Variants in PSTPIP1 observed in about 807,000 individuals in gnomAD.
PSTPIP1 encodes proline-serine-threonine phosphatase-interacting protein 1.
In PSTPIP1, 66 loss-of-function variants were observed where a neutral mutation model predicts 69.6. The ratio of observed to expected loss-of-function variants is 0.95; its 90% confidence interval spans 0.78 to 1.16. The LOEUF is 1.16. Among genes scored for constraint, PSTPIP1 ranks in the 50% most tolerant of loss-of-function variants. The pLI, the probability that PSTPIP1 is intolerant of heterozygous loss-of-function variation, is 0.00. For synonymous variants in PSTPIP1, 266 were observed against 222.7 expected (o/e 1.19, Z -1.73); for missense variants, 603 against 557.4 (o/e 1.08, Z -0.82).
intron 1 of PSTPIP1, among the ~76,000 whole-genome samples, chr15:76,997,145 C>A (rs549161966): frequency 6.6e-6 from 1 of 152,362 alleles, no homozygotes; most frequent in East Asian, 1.9e-4. Context: ...CAGAAGCAAG[C>A]AGCCAGCCCC....
At chr15:77,000,476 T>TACACACAC (rs893354130) in intron 1 of PSTPIP1, among the ~76,000 whole-genome samples, 1 of 146,794 alleles carries the variant, frequency 6.8e-6, no homozygotes, top group African/African-American at 2.6e-5. Context: ...TATATATATA[T>TACACACAC]ACACACACAC....
At chr15:77,030,431 T>A in intron 8 of PSTPIP1, 71 bp from the exon 9 acceptor site, 1 of 1,495,058 alleles carries the variant, frequency 6.7e-7, no homozygotes, top group Non-Finnish European at 9.2e-7. Flanking sequence ...GCATCCAGGA[T>A]GGGACCTGCT....
chr15:77,029,693 C>A, intron 8 of PSTPIP1, 119 bp downstream of exon 8: 2 of 1,151,472 alleles, frequency 1.7e-6, no homozygotes, highest in Non-Finnish European at 2.4e-6. Flanking sequence ...ATGGGCGCGG[C>A]GCTCTCATTC....
chr15:77,036,435 G>A (rs1003776509), intron 14 of PSTPIP1, among the ~76,000 whole-genome samples: 1 of 152,164 alleles, frequency 6.6e-6, no homozygotes, highest in African/African-American at 2.4e-5. Flanking sequence ...ATCGTGCCAG[G>A]ATTGATTTTC....
At chr15:77,004,291 G>C (rs1389343566) in intron 1 of PSTPIP1, among the ~76,000 whole-genome samples, 1 of 152,234 alleles carries the variant, frequency 6.6e-6, no homozygotes, top group Admixed American at 6.5e-5. Context: ...ATGGGTGATG[G>C]AACAGGCAGG....
chr15:76,995,240 C>G lies in PSTPIP1; in HGVS notation c.-334C>G, dbSNP rs1411898950. The G allele has an allele frequency of 4.8e-6, 6 of 1,256,404 alleles. No homozygotes were observed. In the African/African-American group the frequency reaches 7.6e-5, roughly 16 times the overall value. 77.8% of individuals were successfully genotyped at this position (1,256,404 alleles called of 1,614,324 possible). A position where few individuals can be genotyped will look rare whatever the true frequency, so the allele number is the denominator to read the frequency against. On this transcript the variant is annotated 5_prime_UTR_variant, in exon 1 of 15. Coordinates refer to ENST00000558012, the MANE Select transcript of PSTPIP1 (RefSeq NM_003978.5). ...CTCCCACCCAGGGCTGGCATCCCTGCTCCCTGCCCTGGGTCCCAGACTGTG... is the reference window on the plus strand; with the variant it reads ...CTCCCACCCAGGGCTGGCATCCCTGGTCCCTGCCCTGGGTCCCAGACTGTG...
intron 1 of PSTPIP1, 93 bp from the exon 2 acceptor site, chr15:77,018,055 G>A: frequency 1.6e-6 from 2 of 1,283,322 alleles, no homozygotes; most frequent in Non-Finnish European, 1.1e-6. Context: ...CAGGAGGGAG[G>A]CTGTTCCCAG....
intron 3 of PSTPIP1, among the ~76,000 whole-genome samples, chr15:77,021,399 G>T (rs1051572021): frequency 6.6e-6 from 1 of 152,184 alleles, no homozygotes; most frequent in African/African-American, 2.4e-5. Context: ...GCATTTTAAA[G>T]ACAGCATTAG....
intron 3 of PSTPIP1, among the ~76,000 whole-genome samples, chr15:77,018,919 A>G (rs1480889188): frequency 6.6e-6 from 1 of 152,154 alleles, no homozygotes; most frequent in Non-Finnish European, 1.5e-5. Flanking sequence ...AGCCAGAGAC[A>G]GGGGTCCAGG....
At chr15:77,002,334 A>G (rs550153725) in intron 1 of PSTPIP1, among the ~76,000 whole-genome samples, 1 of 152,328 alleles carries the variant, frequency 6.6e-6, no homozygotes, top group Admixed American at 6.5e-5. Context: ...GGATGAAAGG[A>G]TGCTTCCCTA....
chr15:77,035,425 C>G (rs2076536032), intron 12 of PSTPIP1, 83 bp from the exon 13 acceptor site: 1 of 1,409,424 alleles, frequency 7.1e-7, no homozygotes, highest in South Asian at 1.2e-5. Flanking sequence ...AGCTCTGAGA[C>G]CTCTCCCTGT....
At position 76,995,598 on chromosome 15, in the gene PSTPIP1, G is replaced by A. The variant is rs2075560223; in HGVS notation, c.25G>A (p.Asp9Asn). 7.4e-6 allele frequency: 12 copies of A among 1,613,792 alleles called. No homozygotes were observed. The highest frequency in any genetic ancestry group is 1.3e-5 in the African/African-American group (1 of 75,056). Residue 9 changes from aspartate (D) to asparagine (N), a missense_variant, in exon 1 of 15, where the codon GAT (aspartate) becomes AAT (asparagine). Coordinates refer to ENST00000558012, the MANE Select transcript of PSTPIP1 (RefSeq NM_003978.5). Reference sequence around the variant, plus strand: ...GATGATGCCCCAGCTGCAGTTCAAAGATGCCTTTTGGGTGAGTGAGGATGG... The same window carrying A: ...GATGATGCCCCAGCTGCAGTTCAAAAATGCCTTTTGGGTGAGTGAGGATGG... MMPQLQFK[D>N]AFWCRDFTAH...
intron 1 of PSTPIP1, among the ~76,000 whole-genome samples, chr15:76,997,355 C>A (rs2075603021): frequency 6.6e-6 from 1 of 152,132 alleles, no homozygotes; most frequent in South Asian, 2.1e-4. Context: ...TGGGCCGATG[C>A]CCCGAAAGGT....
intron 12 of PSTPIP1, among the ~76,000 whole-genome samples, chr15:77,033,820 G>GA (rs35913965): frequency 0.64 from 97,224 of 151,824 alleles, 31,393 homozygotes; most frequent in Middle Eastern, 0.72. Context: ...GCTTAGAGAG[G>GA]GCACACACAC....
At chr15:77,003,479 C>A (rs1345538994) in intron 1 of PSTPIP1, among the ~76,000 whole-genome samples, 2 of 152,080 alleles carry the variant, frequency 1.3e-5, no homozygotes, top group Non-Finnish European at 2.9e-5. Context: ...CATGGTGAAA[C>A]CCTGTCTCTA....
Position 77,018,178 on chromosome 15 carries a change from G to T in PSTPIP1, c.67G>T (p.Glu23Ter). Residue 23 changes from glutamate to a stop codon, truncating the protein, a stop_gained, in exon 2 of 15, where the codon GAG becomes TAG. Transcript: ENST00000558012. LOFTEE classifies it high-confidence loss of function. The part of the protein sequence containing the change: ...CRDFTAHTGY[E>*]VLLQRLLDGR... ...GGACTTCACAGCCCACACGGGCTACGAGGTGCTGCTGCAGCGGCTTCTGGA... is the reference window on the plus strand; with the variant it reads ...GGACTTCACAGCCCACACGGGCTACTAGGTGCTGCTGCAGCGGCTTCTGGA... The T allele has an allele frequency of 6.3e-7, 1 of 1,589,722 alleles. No individual in the cohort carries two copies. Among genetic ancestry groups the T allele is most frequent in the South Asian group, 1.1e-5 (1 of 86,992 alleles).
chr15:77,028,498 G>A (rs1462298530), intron 6 of PSTPIP1, 56 bp from the exon 7 acceptor site: 2 of 1,430,988 alleles, frequency 1.4e-6, no homozygotes, highest in Non-Finnish European at 1.9e-6. Flanking sequence ...CCTCACTCCC[G>A]GGGACCACAG....
chr15:77,028,490 T>C (rs774537400), intron 6 of PSTPIP1, 64 bp from the exon 7 acceptor site: 5 of 1,373,270 alleles, frequency 3.6e-6, no homozygotes, highest in Admixed American at 2.5e-5. Flanking sequence ...TAAGGGAGCC[T>C]CACTCCCGGG....
In PSTPIP1 at chr15:77,032,375, C is replaced by A. The variant is rs2076440819; in HGVS notation, c.819C>A (p.Ser273Arg). 1 of 1,612,584 alleles carries A rather than the reference C, an allele frequency of 6.2e-7. No individual in the cohort carries two copies. Among genetic ancestry groups the A allele is most frequent in the African/African-American group, 1.3e-5 (1 of 74,946 alleles). The change falls in exon 11 of 15, where the codon AGC becomes AGA. Residue 273 changes from serine to arginine, a missense_variant. By Grantham distance (110) the Ser-to-Arg change is moderately radical. Coordinates refer to ENST00000558012, the MANE Select transcript of PSTPIP1 (RefSeq NM_003978.5). ...TCGACAGTTTCATCCAGGCCAAGAGCACGGGCACAGAGCCCCCCGGTGAGG... is the reference window on the plus strand; with the variant it reads ...TCGACAGTTTCATCCAGGCCAAGAGAACGGGCACAGAGCCCCCCGGTGAGG... Reference protein sequence around the residue: ...ADIDSFIQAKSTGTEPPAPVP... With the variant: ...ADIDSFIQAKRTGTEPPAPVP...
Sources: allele counts gnomAD v4.1 joint callset (sites outside exome capture counted in the v4.1 genomes callset), GRCh38; gene constraint gnomAD v4.1.1; transcripts MANE v1.5; gene names NCBI Gene and HGNC (gene_info 2026-07-23, HGNC 2026-07-21).